RBFOX1: variants seen among roughly 807,000 people sequenced by gnomAD.
The protein encoded by RBFOX1 is RNA binding fox-1 homolog 1, also known as RNA binding protein fox-1 homolog 1.
In RBFOX1, 8 loss-of-function variants were observed where a neutral mutation model predicts 57.7. The ratio of observed to expected loss-of-function variants is 0.14; its 90% confidence interval spans 0.08 to 0.25. The LOEUF is 0.25. RBFOX1 is among the 10% of genes least tolerant of loss of function. RBFOX1 has a pLI of 1.00. For missense variants in RBFOX1, 611 were observed against 548.5 expected (o/e 1.11, Z -1.14); for synonymous variants, 326 against 222.4 (o/e 1.47, Z -4.15).
At chr16:6,889,337 G>A (rs909174269) in intron 3 of RBFOX1, among the ~76,000 whole-genome samples, 1 of 152,150 alleles carries the variant, frequency 6.6e-6, no homozygotes, top group Non-Finnish European at 1.5e-5. Flanking sequence ...AAATTTACGA[G>A]TATGCATGTG....
intron 4 of RBFOX1, among the ~76,000 whole-genome samples, chr16:7,149,754 C>T (rs1228043968): frequency 6.6e-6 from 1 of 152,022 alleles, no homozygotes; most frequent in Non-Finnish European, 1.5e-5. Flanking sequence ...GCCTCTACCC[C>T]ATTCTGACAA....
intron 11 of RBFOX1, among the ~76,000 whole-genome samples, chr16:7,648,229 AT>A (rs563344773): frequency 2.6e-5 from 4 of 151,498 alleles, no homozygotes; most frequent in African/African-American, 9.7e-5. Context: ...TTATTTATTT[AT>A]TTTTTTTGAG....
intron 1 of RBFOX1, among the ~76,000 whole-genome samples, chr16:6,103,040 C>T (rs535373312): frequency 8.5e-5 from 13 of 152,122 alleles, no homozygotes; most frequent in South Asian, 2.1e-4. Flanking sequence ...CTCTTTTGGA[C>T]AATTAAGGGA....
At chr16:7,602,403 G>A (rs2095076494) in intron 9 of RBFOX1, among the ~76,000 whole-genome samples, 1 of 152,162 alleles carries the variant, frequency 6.6e-6, no homozygotes, top group Non-Finnish European at 1.5e-5. Flanking sequence ...CTGGGAGGCT[G>A]GGACCAGTGG....
chr16:6,231,175 G>A (rs902377865), intron 1 of RBFOX1, among the ~76,000 whole-genome samples: 20 of 151,714 alleles, frequency 1.3e-4, no homozygotes, highest in Non-Finnish European at 1.3e-4. Flanking sequence ...AAAGGAAGTC[G>A]GGGCTGTTTT....
intron 11 of RBFOX1, among the ~76,000 whole-genome samples, chr16:7,643,100 G>C (rs566542225): frequency 6.6e-6 from 1 of 152,330 alleles, no homozygotes; most frequent in South Asian, 2.1e-4. Flanking sequence ...AACTTTGGGA[G>C]GTAAGCAGGA....
At chr16:7,328,995 A>G (rs1330717988) in intron 4 of RBFOX1, among the ~76,000 whole-genome samples, 1 of 152,114 alleles carries the variant, frequency 6.6e-6, no homozygotes, top group Non-Finnish European at 1.5e-5. Flanking sequence ...ATATTTTGTG[A>G]CCTGTAAAAA....
chr16:7,485,983 A>G (rs950612312), intron 4 of RBFOX1, among the ~76,000 whole-genome samples: 1 of 152,188 alleles, frequency 6.6e-6, no homozygotes, highest in African/African-American at 2.4e-5. Flanking sequence ...ACAGAAATGT[A>G]TGCCCCATAG....
chr16:5,255,558 A>T (rs1230080358), intron 1 of RBFOX1, among the ~76,000 whole-genome samples: 2 of 150,918 alleles, frequency 1.3e-5, no homozygotes, highest in Non-Finnish European at 2.9e-5. Flanking sequence ...CCATCTATCC[A>T]CCCACCCGTC....
At chr16:7,261,518 A>G (rs2094919191) in intron 4 of RBFOX1, among the ~76,000 whole-genome samples, 2 of 152,130 alleles carry the variant, frequency 1.3e-5, no homozygotes, top group African/African-American at 2.4e-5. Flanking sequence ...TGATCAGCAT[A>G]GGAGATAACT....
At chr16:5,892,059 AG>A (rs1259179506) in intron 4 of RBFOX1, among the ~76,000 whole-genome samples, 1 of 152,204 alleles carries the variant, frequency 6.6e-6, no homozygotes, top group Non-Finnish European at 1.5e-5. Flanking sequence ...CATTCCCGTT[AG>A]GCACATCAGT....
At chr16:7,101,964 G>A (rs1183311882) in intron 4 of RBFOX1, among the ~76,000 whole-genome samples, 2 of 152,148 alleles carry the variant, frequency 1.3e-5, no homozygotes, top group African/African-American at 4.8e-5. Flanking sequence ...TGTACCACAA[G>A]CCTAGTGCTG....
chr16:7,088,636 A>C (rs978655955), intron 4 of RBFOX1, among the ~76,000 whole-genome samples: 3 of 152,170 alleles, frequency 2.0e-5, no homozygotes, highest in Non-Finnish European at 4.4e-5. Flanking sequence ...AGCAAGAAAA[A>C]AATAGTAATC....
At chr16:6,995,562 C>G (rs1003362251) in intron 3 of RBFOX1, among the ~76,000 whole-genome samples, 5 of 152,018 alleles carry the variant, frequency 3.3e-5, no homozygotes, top group Non-Finnish European at 4.4e-5. Flanking sequence ...GTCAGGATCA[C>G]CAGCATGGGC....
intron 14 of RBFOX1, among the ~76,000 whole-genome samples, chr16:7,699,860 T>C (rs975997043): frequency 6.6e-6 from 1 of 152,142 alleles, no homozygotes; most frequent in Non-Finnish European, 1.5e-5. Context: ...CTCAAATGAA[T>C]ATTGAAAGAG....
At chr16:5,789,470 G>A (rs952285281) in intron 3 of RBFOX1, among the ~76,000 whole-genome samples, 1 of 151,970 alleles carries the variant, frequency 6.6e-6, no homozygotes, top group African/African-American at 2.4e-5. Context: ...GGCATGTATG[G>A]GTGTGTATGT....
intron 1 of RBFOX1, among the ~76,000 whole-genome samples, chr16:6,288,361 G>T (rs574149999): frequency 1.4e-4 from 22 of 152,234 alleles, no homozygotes; most frequent in Admixed American, 5.2e-4. Context: ...ATTCAGATTT[G>T]GAAGTTCTGG....
At chr16:6,088,893 A>G (rs539683054) in intron 1 of RBFOX1, among the ~76,000 whole-genome samples, 3 of 152,098 alleles carry the variant, frequency 2.0e-5, no homozygotes, top group South Asian at 2.1e-4. Context: ...TCAGGAGATC[A>G]ATACCATCCT....
chr16:7,571,788 T>G (rs2092802339), intron 5 of RBFOX1, among the ~76,000 whole-genome samples: 1 of 151,644 alleles, frequency 6.6e-6, no homozygotes, highest in Admixed American at 6.6e-5. Context: ...GCCTTTCCTG[T>G]TTGATGGGGA....
Sources: allele counts gnomAD v4.1 joint callset (sites outside exome capture counted in the v4.1 genomes callset), GRCh38; gene constraint gnomAD v4.1.1; transcripts MANE v1.5; gene names NCBI Gene and HGNC (gene_info 2026-07-23, HGNC 2026-07-21).